The following DDX51 variants were observed in gnomAD, a reference collection of about 807,000 sequenced individuals.
DDX51 encodes ATP-dependent RNA helicase DDX51.
DDX51 carries 67 observed loss-of-function variants against 74.6 expected under a neutral mutation model. The ratio of observed to expected loss-of-function variants is 0.90; its 90% CI spans 0.74 to 1.10. The LOEUF (loss-of-function observed/expected upper bound fraction) is 1.10, where lower values mean the gene tolerates loss of function less well. DDX51 is among the 50% of genes least tolerant of loss of function. The probability of loss-of-function intolerance (pLI) is 0.00; values close to 1 mark genes in which losing one functional copy is unlikely to be tolerated. For missense variants in DDX51, 1,056 were observed against 905.2 expected (o/e 1.17, Z -2.14); for synonymous variants, 545 against 402.9 (o/e 1.35, Z -4.22).
chr12:132,142,151 C>G lies in DDX51; in HGVS notation c.856G>C (p.Val286Leu). Residue 286 changes from valine (V) to leucine (L), a missense_variant, in exon 5 of 15, where the codon GTT (valine) becomes CTT (leucine). Physicochemically the swap from Val to Leu is conservative, Grantham distance 32. Coordinates refer to ENST00000397333, the MANE Select transcript of DDX51 (RefSeq NM_175066.4). ...GCCAGCTCCTTGGTGGGCAGCACAA[C>G]CAGGGCACGGATGTGGCAGACCACT... ...SRVVCHIRAL[V>L]VLPTKELAQQ... 6.5e-7 allele frequency: 1 copy of G among 1,547,976 alleles called. No individual in the cohort carries two copies. The highest frequency in any genetic ancestry group is 8.7e-7 in the Non-Finnish European group (1 of 1,146,864).
chr12:132,141,630 G>A, intron 6 of DDX51, 24 bp from the exon 7 acceptor site: 1 of 1,549,844 alleles, frequency 6.5e-7, no homozygotes, highest in African/African-American at 1.4e-5. Context: ...AGCAGCTCGA[G>A]AGAAGGAAGC....
chr12:132,140,411 C>T lies in DDX51; in HGVS notation c.1673+12G>A, dbSNP rs1424516972. 5 of 1,612,918 alleles carry T rather than the reference C, an allele frequency of 3.1e-6. No individual in the cohort carries two copies. In the South Asian group the frequency reaches 4.4e-5, roughly 14 times the overall value. ...CACCCCACAGAGGCCTTGCCCCTGCCCAGGAACTCACAGCTGGATCTTCCC... is the reference window on the plus strand; with the variant it reads ...CACCCCACAGAGGCCTTGCCCCTGCTCAGGAACTCACAGCTGGATCTTCCC... On this transcript the variant is annotated intron_variant, in intron 11 of 14. Transcript: ENST00000397333.
chr12:132,139,805 G>C (rs771938253), intron 13 of DDX51, 36 bp from the exon 14 acceptor site: 14 of 1,612,718 alleles, frequency 8.7e-6, no homozygotes, highest in Non-Finnish European at 1.2e-5. Context: ...GGGTTCTTGG[G>C]CCAGCCCCTT....
chr12:132,144,243 C>CGCCGCAGCT lies in DDX51; in HGVS notation c.45_53dup (p.Ala16_Ala18dup), dbSNP rs1897609707. On this transcript the variant is annotated inframe_insertion, in exon 1 of 15. Transcript: ENST00000397333. ...CCCCGGCCTCCGCGCCCTCCGGCCC[C>CGCCGCAGCT]GCCGCAGCTGCCGCATCGGGGCCCG... The CGCCGCAGCT allele has an allele frequency of 1.6e-6, 2 of 1,233,142 alleles. No individual in the cohort carries two copies. Among genetic ancestry groups the CGCCGCAGCT allele is most frequent in the East Asian group, 3.2e-5 (1 of 30,932 alleles). The allele number at this position is 1,233,142 out of a possible 1,614,324, so 76.4% of individuals were successfully genotyped here.
At chr12:132,143,624 G>A in intron 2 of DDX51, 71 bp downstream of exon 2, 2 of 1,511,692 alleles carry the variant, frequency 1.3e-6, no homozygotes, top group Middle Eastern at 3.7e-4. Flanking sequence ...CTTCCGGGGC[G>A]ACCGCCGCAC....
Position 132,142,374 on chromosome 12 carries a change from A to G in DDX51, c.719T>C (p.Phe240Ser). 6.2e-7 allele frequency: 1 copy of G among 1,612,990 alleles called. No homozygotes were observed. The highest frequency in any genetic ancestry group is 8.5e-7 in the Non-Finnish European group (1 of 1,179,998). ...CCGGTAGCCACCTCTGCCCACCAGA[A>G]ACCCACAGGCTGCGCTCTCCAGGAG... ...PALLESAACG[F>S]LVGRGGYRPS... Residue 240 changes from phenylalanine (F) to serine (S), a missense_variant, in exon 4 of 15, where the codon TTT (phenylalanine) becomes TCT (serine). By Grantham distance (155) the Phe-to-Ser change is radical. Transcript: ENST00000397333.
intron 8 of DDX51, 122 bp downstream of exon 8, chr12:132,141,153 G>C: frequency 2.0e-6 from 3 of 1,495,056 alleles, no homozygotes; most frequent in Non-Finnish European, 2.7e-6. Context: ...TCACGTGACA[G>C]TACGATGCGG....
intron 6 of DDX51, 107 bp from the exon 7 acceptor site, chr12:132,141,713 G>T: frequency 6.8e-7 from 1 of 1,460,572 alleles, no homozygotes; most frequent in Non-Finnish European, 9.3e-7. Flanking sequence ...ATGGGAAGGG[G>T]GCCGGTGGGA....
Position 132,142,342 on chromosome 12 carries a change from C to T in DDX51, c.751G>A (p.Asp251Asn), listed in dbSNP as rs778219271. 12 of 1,612,898 alleles carry T rather than the reference C, an allele frequency of 7.4e-6. No individual in the cohort carries two copies. The African/African-American group carries it at 1.1e-4, about 14-fold the overall frequency. ...LVGRGGYRPS[D>N]LCVSAPTGSG... is the part of the protein sequence containing the mutation. The stretch of plus-strand genomic sequence containing the variant: ...CCTGTTGGGGCAGAAACACAGAGGT[C>T]GCTAGGCCGGTAGCCACCTCTGCCC... Residue 251 changes from aspartate (D) to asparagine (N), a missense_variant, in exon 4 of 15, where the codon GAC becomes AAC. Coordinates refer to ENST00000397333, the MANE Select transcript of DDX51 (RefSeq NM_175066.4).
intron 2 of DDX51, 65 bp downstream of exon 2, chr12:132,143,630 C>A: frequency 6.6e-7 from 1 of 1,518,694 alleles, no homozygotes; most frequent in Non-Finnish European, 8.8e-7. Context: ...GGGCGACCGC[C>A]GCACTTAAGA....
chr12:132,139,951 ACTGGCCC>A (rs779084339), intron 12 of DDX51, 27 bp from the exon 13 acceptor site: 1 of 1,612,700 alleles, frequency 6.2e-7, no homozygotes, highest in African/African-American at 1.3e-5. Context: ...CTATCTCCAG[ACTGGCCC>A]CTGAGCCTTC....
At chr12:132,139,522 T>C (rs765601290) in intron 14 of DDX51, 113 bp downstream of exon 14, 42 of 1,596,214 alleles carry the variant, frequency 2.6e-5, no homozygotes, top group Non-Finnish European at 3.5e-5. Context: ...TGTGTGACCC[T>C]CTGTTGCCTT....
intron 2 of DDX51, chr12:132,143,351 C>A: frequency 2.1e-6 from 1 of 473,860 alleles, no homozygotes. Flanking sequence ...GAAAACCACA[C>A]GTGCTAAGCA....
chr12:132,139,854 G>A lies in DDX51; in HGVS notation c.1839+7C>T, dbSNP rs768201638. On this transcript the variant is annotated splice_region_variant and intron_variant, in intron 13 of 14. Transcript: ENST00000397333. The stretch of plus-strand genomic sequence containing the variant: ...AGCAGAAACTCCCAAGACCCTCGCA[G>A]CCTCACCTGCACTTTCAGGAGCAGT... 8.1e-6 allele frequency: 13 copies of A among 1,613,162 alleles called. No individual in the cohort carries two copies. Among genetic ancestry groups the A allele is most frequent in the African/African-American group, 1.3e-5 (1 of 75,064 alleles).
chr12:132,141,865 C>T lies in DDX51; in HGVS notation c.980G>A (p.Ser327Asn). The stretch of plus-strand genomic sequence containing the variant: ...CACAACCTACGTTTTCTGGACGAGG[C>T]TCTCCTGCTCCTTGGCCAGAGACTT... Reference protein sequence around the residue: ...GQKSLAKEQESLVQKTADGYR... With the variant: ...GQKSLAKEQENLVQKTADGYR... The change falls in exon 6 of 15, where the codon AGC becomes AAC. Residue 327 changes from serine (S) to asparagine (N), a missense_variant. Physicochemically the swap from Ser to Asn is conservative, Grantham distance 46 (BLOSUM62 1). Transcript: ENST00000397333. The T allele has an allele frequency of 6.2e-7, 1 of 1,613,144 alleles. No individual in the cohort carries two copies. The highest frequency in any genetic ancestry group is 8.5e-7 in the Non-Finnish European group (1 of 1,179,982).
Position 132,143,634 on chromosome 12 carries a change from C to T in DDX51, c.519+61G>A. ...GAAATCTTCCGGGGCGACCGCCGCACTTAAGAATCCGCGCAGCCTACCCTC... is the reference window on the plus strand; with the variant it reads ...GAAATCTTCCGGGGCGACCGCCGCATTTAAGAATCCGCGCAGCCTACCCTC... On this transcript the variant is annotated intron_variant, in intron 2 of 14. Coordinates refer to ENST00000397333, the MANE Select transcript of DDX51 (RefSeq NM_175066.4). The T allele has an allele frequency of 3.9e-6, 6 of 1,526,506 alleles. No homozygotes were observed. In the South Asian group the frequency reaches 7.2e-5, roughly 18 times the overall value. The allele number at this position is 1,526,506 out of a possible 1,614,324, so 94.6% of individuals were successfully genotyped here. A position where few individuals can be genotyped will look rare whatever the true frequency, so the allele number is the denominator to read the frequency against.
In DDX51 at chr12:132,142,632, G is replaced by A. The variant is rs1479875366; in HGVS notation, c.670+96C>T. On this transcript the variant is annotated intron_variant, in intron 3 of 14. Transcript: ENST00000397333. ...GAGTGCTGAGACCACACTTGGCACCGATGTGGCAGGGACGCCTGACCCACG... is the reference window on the plus strand; with the variant it reads ...GAGTGCTGAGACCACACTTGGCACCAATGTGGCAGGGACGCCTGACCCACG... The A allele has an allele frequency of 3.8e-5, 59 of 1,539,534 alleles. 1 individual carries two copies. The highest frequency in any genetic ancestry group is 2.2e-4 in the African/African-American group (16 of 73,582).
chr12:132,143,817 C>T lies in DDX51; in HGVS notation c.397G>A (p.Gly133Arg). ...PSAGSSEEAP[G>R]ERSTSASAEA... is the part of the protein sequence containing the mutation. ...GCGCTGGCGCTGGTGCTGCGCTCCC[C>T]CGGCGCCTCCTCGCTGCTCCCTGCG... is the stretch of plus-strand genomic sequence containing the variant. The change falls in exon 2 of 15, where the codon GGG becomes AGG. Residue 133 changes from glycine (G) to arginine (R), a missense_variant. Transcript: ENST00000397333. 6.5e-7 allele frequency: 1 copy of T among 1,526,878 alleles called. No individual in the cohort carries two copies. Among genetic ancestry groups the T allele is most frequent in the Non-Finnish European group, 8.7e-7 (1 of 1,143,510 alleles). The allele number at this position is 1,526,878 out of a possible 1,614,324, so 94.6% of individuals were successfully genotyped here.
chr12:132,142,742 G>C lies in DDX51; in HGVS notation c.656C>G (p.Ser219Trp). 1 of 1,612,880 alleles carries C rather than the reference G, an allele frequency of 6.2e-7. No homozygotes were observed. Among genetic ancestry groups the C allele is most frequent in the Non-Finnish European group, 8.5e-7 (1 of 1,180,000 alleles). Residue 219 changes from serine (S) to tryptophan (W), a missense_variant, in exon 3 of 15, where the codon TCG (serine) becomes TGG (tryptophan). Transcript: ENST00000397333. ...GGCTGGGGCACCTGGAAAGTAGGAC[G>C]AGATGCCGTGTGCCCGCAGCTGCTT... ...LQKQLRAHGI[S>W]SYFPVQAAVI...
Sources: allele counts gnomAD v4.1 joint callset, GRCh38; gene constraint gnomAD v4.1.1; transcripts MANE v1.5; gene names NCBI Gene and HGNC (gene_info 2026-07-23, HGNC 2026-07-21).